MACROD2: variants seen among roughly 807,000 people sequenced by gnomAD.
MACROD2 encodes ADP-ribose glycohydrolase MACROD2.
A neutral mutation model predicts 70.4 loss-of-function variants in MACROD2; 36 were observed. That is an observed-to-expected ratio of 0.51 (90% CI 0.39 to 0.68). The LOEUF is 0.68. Among genes scored for constraint, MACROD2 ranks in the 30% least tolerant of loss-of-function variants. MACROD2 has a pLI of 0.00. For synonymous variants in MACROD2, 172 were observed against 178.8 expected (o/e 0.96, Z 0.30); for missense variants, 496 against 538.4 (o/e 0.92, Z 0.78).
chr20:14,891,005 CCCTTCCTA>C (rs2073752425), intron 5 of MACROD2, among the ~76,000 whole-genome samples: 1 of 96,982 alleles, frequency 1.0e-5, no homozygotes, highest in African/African-American at 4.1e-5. Flanking sequence ...CTCCCTCCCT[CCCTTCCTA>C]CCTTCCTTCC....
At chr20:15,236,810 A>T (rs555699577) in intron 6 of MACROD2, among the ~76,000 whole-genome samples, 2 of 152,350 alleles carry the variant, frequency 1.3e-5, no homozygotes, top group South Asian at 2.1e-4. Flanking sequence ...GCTCAAGTGA[A>T]TTAAGGTCTT....
chr20:15,819,787 A>G (rs1444378864), intron 8 of MACROD2, among the ~76,000 whole-genome samples: 3 of 152,104 alleles, frequency 2.0e-5, no homozygotes, highest in Admixed American at 6.6e-5. Flanking sequence ...AAATGGAGAG[A>G]TATAGGTCAA....
chr20:14,384,138 G>A (rs939031060), intron 3 of MACROD2, among the ~76,000 whole-genome samples: 1 of 152,042 alleles, frequency 6.6e-6, no homozygotes, highest in African/African-American at 2.4e-5. Flanking sequence ...CGAATTCATC[G>A]TATTTCTTAC....
chr20:15,112,222 G>GTTTAAATC (rs1479367913), intron 5 of MACROD2, among the ~76,000 whole-genome samples: 2 of 152,064 alleles, frequency 1.3e-5, no homozygotes, highest in African/African-American at 4.8e-5. Flanking sequence ...ATCATTGCAC[G>GTTTAAATC]GTTGATGTTA....
intron 3 of MACROD2, among the ~76,000 whole-genome samples, chr20:14,481,015 T>A (rs1332091729): frequency 6.6e-6 from 1 of 152,162 alleles, no homozygotes; most frequent in Non-Finnish European, 1.5e-5. Flanking sequence ...CTTCAGGTTA[T>A]GATGAAGATT....
chr20:14,935,232 C>T (rs1265948087), intron 5 of MACROD2: 1 of 152,124 alleles, frequency 6.6e-6, no homozygotes, highest in Non-Finnish European at 1.5e-5. Flanking sequence ...TCAGGTTCTT[C>T]AATACCTTAG....
chr20:14,915,486 CTG>C (rs1455804593), intron 5 of MACROD2, among the ~76,000 whole-genome samples: 1 of 152,202 alleles, frequency 6.6e-6, no homozygotes, highest in Non-Finnish European at 1.5e-5. Context: ...AAATACCACA[CTG>C]TGTATCTGCT....
intron 8 of MACROD2, among the ~76,000 whole-genome samples, chr20:15,614,665 G>A (rs2049013993): frequency 6.6e-6 from 1 of 152,010 alleles, no homozygotes. Context: ...TATACAAAAA[G>A]GATTGTCATG....
At chr20:15,925,041 A>G (rs1264216757) in intron 10 of MACROD2, among the ~76,000 whole-genome samples, 1 of 152,218 alleles carries the variant, frequency 6.6e-6, no homozygotes, top group Admixed American at 6.5e-5. Context: ...TTGTAATGCT[A>G]TTATGCTAAC....
chr20:14,789,570 G>A (rs1489449464), intron 5 of MACROD2, among the ~76,000 whole-genome samples: 1 of 135,620 alleles, frequency 7.4e-6, no homozygotes, highest in Admixed American at 8.4e-5. Context: ...CCGCCTCCCA[G>A]GTTCATGCGA....
chr20:14,734,563 A>G (rs1263207550), intron 5 of MACROD2, among the ~76,000 whole-genome samples: 1 of 149,666 alleles, frequency 6.7e-6, no homozygotes, highest in Non-Finnish European at 1.5e-5. Context: ...AAAAACAACC[A>G]ATAACAGGAA....
chr20:15,938,934 A>T (rs984923695), intron 12 of MACROD2, among the ~76,000 whole-genome samples: 3 of 152,248 alleles, frequency 2.0e-5, no homozygotes, highest in Non-Finnish European at 4.4e-5. Context: ...TGGACAGAAG[A>T]TCAAACCAGC....
chr20:15,651,508 G>A (rs991059993), intron 8 of MACROD2, among the ~76,000 whole-genome samples: 11 of 152,098 alleles, frequency 7.2e-5, no homozygotes, highest in East Asian at 3.9e-4. Context: ...CATTAAATTC[G>A]GCTTTGTGGG....
intron 3 of MACROD2, among the ~76,000 whole-genome samples, chr20:14,358,607 C>G (rs1242866698): frequency 3.9e-5 from 6 of 152,082 alleles, no homozygotes; most frequent in Non-Finnish European, 8.8e-5. Flanking sequence ...CAGGTGCCCA[C>G]CACCACGTCT....
chr20:15,488,135 C>T (rs1309173069), intron 7 of MACROD2, among the ~76,000 whole-genome samples: 2 of 152,060 alleles, frequency 1.3e-5, no homozygotes, highest in Non-Finnish European at 2.9e-5. Context: ...GCCAAGGGGA[C>T]CTAGCTGTCA....
chr20:15,974,786 TG>T (rs2066280974), intron 13 of MACROD2, among the ~76,000 whole-genome samples: 1 of 152,174 alleles, frequency 6.6e-6, no homozygotes, highest in African/African-American at 2.4e-5. Context: ...AATTACAGGC[TG>T]TTTTTTTAAC....
chr20:14,559,622 T>C (rs952434418), intron 4 of MACROD2, among the ~76,000 whole-genome samples: 1 of 151,874 alleles, frequency 6.6e-6, no homozygotes, highest in Non-Finnish European at 1.5e-5. Context: ...TTTTATAACT[T>C]ACTGATACTA....
intron 4 of MACROD2, among the ~76,000 whole-genome samples, chr20:14,515,761 G>A (rs2066526720): frequency 1.3e-5 from 2 of 151,858 alleles, no homozygotes; most frequent in Admixed American, 1.3e-4. Context: ...CATTTAGACT[G>A]GAGGAATAAG....
chr20:15,010,232 C>T (rs1024502603), intron 5 of MACROD2, among the ~76,000 whole-genome samples: 9 of 152,184 alleles, frequency 5.9e-5, no homozygotes, highest in African/African-American at 2.2e-4. Context: ...TTATGCAGAA[C>T]CTCATTTTAG....
Sources: gnomAD v4.1 joint callset for allele counts (sites outside exome capture counted in the v4.1 genomes callset) on GRCh38, gnomAD v4.1.1 for gene constraint, MANE v1.5 for transcripts, NCBI Gene and HGNC (gene_info 2026-07-23, HGNC 2026-07-21) for gene names.